The following HMGA2 variants were observed in gnomAD, a reference collection of about 807,000 sequenced individuals.
HMGA2 encodes the protein high mobility group AT-hook 2.
HMGA2 carries 8 observed loss-of-function variants against 19.1 expected under a neutral mutation model. The ratio of observed to expected loss-of-function variants is 0.42; its 90% CI spans 0.25 to 0.76. The LOEUF (loss-of-function observed/expected upper bound fraction) is 0.76, where lower values mean the gene tolerates loss of function less well. HMGA2 is among the 30% of genes least tolerant of loss of function. The probability of loss-of-function intolerance (pLI) is 0.28; values close to 1 mark genes in which losing one functional copy is unlikely to be tolerated. For synonymous variants in HMGA2, 60 were observed against 48.8 expected, an observed-to-expected ratio of 1.23 and a Z score of -0.96; for missense variants, 109 against 136.3, an observed-to-expected ratio of 0.80 and a Z score of 1.00.
intron 3 of HMGA2, among the ~76,000 whole-genome samples, chr12:65,922,226 A>G (rs1260695045): frequency 6.6e-6 from 1 of 152,118 alleles, no homozygotes; most frequent in African/African-American, 2.4e-5. Context: ...AGCTTTCACT[A>G]TGTGTCTGGA....
intron 3 of HMGA2, among the ~76,000 whole-genome samples, chr12:65,919,549 T>A (rs1270042102): frequency 6.6e-6 from 1 of 152,250 alleles, no homozygotes; most frequent in South Asian, 2.1e-4. Context: ...ATTCATGTAA[T>A]GTTATTTCAA....
At chr12:65,906,214 A>G (rs1030564653) in intron 3 of HMGA2, among the ~76,000 whole-genome samples, 3 of 152,208 alleles carry the variant, frequency 2.0e-5, no homozygotes, top group Non-Finnish European at 4.4e-5. Context: ...ATCAGCCTGC[A>G]GCTAAACTCA....
intron 3 of HMGA2, among the ~76,000 whole-genome samples, chr12:65,946,012 A>G (rs1387192957): frequency 6.6e-6 from 1 of 152,160 alleles, no homozygotes; most frequent in African/African-American, 2.4e-5. Context: ...TTGCGTAAAC[A>G]TTTTTAATAT....
chr12:65,863,720 G>A (rs1034234790), intron 3 of HMGA2, among the ~76,000 whole-genome samples: 1 of 152,196 alleles, frequency 6.6e-6, no homozygotes, highest in Non-Finnish European at 1.5e-5. Context: ...CCTGTGCCCA[G>A]CTCAGTCTCA....
chr12:65,933,727 T>A (rs981484267), intron 3 of HMGA2, among the ~76,000 whole-genome samples: 1 of 152,198 alleles, frequency 6.6e-6, no homozygotes, highest in African/African-American at 2.4e-5. Flanking sequence ...AATGTCTTTA[T>A]CTTTTTAAAC....
At chr12:65,958,839 A>G (rs1008300169) in intron 4 of HMGA2, 2 of 151,992 alleles carry the variant, frequency 1.3e-5, no homozygotes, top group African/African-American at 2.4e-5. Flanking sequence ...GAGTTGCAGA[A>G]TTCTTTGCAG....
chr12:65,856,759 C>T (rs976523224), intron 3 of HMGA2: 14 of 152,400 alleles, frequency 9.2e-5, no homozygotes, highest in African/African-American at 3.4e-4. Context: ...TGTTGGTGAT[C>T]CTTGATGCTC....
chr12:65,835,633 T>G (rs1870683176), intron 2 of HMGA2, among the ~76,000 whole-genome samples: 1 of 152,210 alleles, frequency 6.6e-6, no homozygotes, highest in African/African-American at 2.4e-5. Flanking sequence ...AAAGTCATCT[T>G]ATTTGCAGGG....
chr12:65,842,884 C>G (rs1473644147), intron 3 of HMGA2: 2 of 1,264,136 alleles, frequency 1.6e-6, no homozygotes, highest in East Asian at 5.9e-5. Context: ...GGCTCAGGCT[C>G]AAGAATACAA....
intron 3 of HMGA2, chr12:65,882,274 A>G (rs1268719459): frequency 4.0e-6 from 1 of 249,432 alleles, no homozygotes; most frequent in Non-Finnish European, 8.0e-6. Context: ...AGGAACTGAG[A>G]GAAAGAGGAA....
chr12:65,848,617 G>A (rs533699642), intron 3 of HMGA2, among the ~76,000 whole-genome samples: 28 of 152,308 alleles, frequency 1.8e-4, no homozygotes, highest in African/African-American at 6.3e-4. Flanking sequence ...AGCACTTTGG[G>A]AGGCCGAGGC....
At chr12:65,911,487 T>C (rs1412633887) in intron 3 of HMGA2, among the ~76,000 whole-genome samples, 1 of 152,190 alleles carries the variant, frequency 6.6e-6, no homozygotes, top group African/African-American at 2.4e-5. Flanking sequence ...GCTTCTCTGC[T>C]GGCACATTGC....
chr12:65,825,270 G>C lies in HMGA2; in HGVS notation c.-1G>C. On this transcript the variant is annotated 5_prime_UTR_variant, in exon 1 of 5. Coordinates refer to ENST00000403681, the MANE Select transcript of HMGA2 (RefSeq NM_003483.6). This position sits in a 1 kb window ranked among gnomAD's most constrained non-coding sequence, Gnocchi z 4.4. ...CGGCGGTAGCGGCGGCGGGAGGCAG[G>C]ATGAGCGCACGCGGTGAGGGCGCGG... 1 of 1,529,342 alleles carries C rather than the reference G, an allele frequency of 6.5e-7. No individual in the cohort carries two copies. The highest frequency in any genetic ancestry group is 8.7e-7 in the Non-Finnish European group (1 of 1,142,930). The allele number at this position is 1,529,342 out of a possible 1,614,324, so 94.7% of individuals were successfully genotyped here.
At position 65,963,338 on chromosome 12, in the gene HMGA2, T is replaced by C. The variant is rs1876808365; in HGVS notation, c.*46T>C. ...CTACCTCAGCAGCAGTTGGATCTTT[T>C]GAAGGGAGAAGACACTGCAGTGACC... On this transcript the variant is annotated 3_prime_UTR_variant, in exon 5 of 5. Transcript: ENST00000403681. The C allele has an allele frequency of 6.4e-7, 1 of 1,552,310 alleles. No homozygotes were observed. The highest frequency in any genetic ancestry group is 2.4e-5 in the East Asian group (1 of 42,050).
chr12:65,825,115 G>A lies in HMGA2; in HGVS notation c.-156G>A, dbSNP rs888362655. On this transcript the variant is annotated 5_prime_UTR_variant, in exon 1 of 5. Coordinates refer to ENST00000403681, the MANE Select transcript of HMGA2 (RefSeq NM_003483.6). The surrounding 1 kb of genome is among the most constrained non-coding windows in gnomAD (Gnocchi z 4.4). ...TCCGGTGTTGATGGTGGCAGCGGCG[G>A]CAGCCTAAGCAACAGCAGCCCTCGC... The A allele has an allele frequency of 1.3e-5, 7 of 547,628 alleles. No individual in the cohort carries two copies. The Admixed American group carries it at 1.5e-4, about 12-fold the overall frequency. The allele number at this position is 547,628 out of a possible 1,614,324, so 33.9% of individuals were successfully genotyped here. A position where few individuals can be genotyped will look rare whatever the true frequency, so the allele number is the denominator to read the frequency against.
At chr12:65,958,533 T>G (rs897215741) in intron 4 of HMGA2, 1 of 152,220 alleles carries the variant, frequency 6.6e-6, no homozygotes, top group Non-Finnish European at 1.5e-5. Context: ...CTCAGCCTTG[T>G]GGTCTTGCCG....
At position 65,965,476 on chromosome 12, in the gene HMGA2, A is replaced by G. The variant is rs1876882068; in HGVS notation, c.*2184A>G. The G allele has an allele frequency of 9.7e-6, 2 of 206,494 alleles. No individual in the cohort carries two copies. Among genetic ancestry groups the G allele is most frequent in the Admixed American group, 5.9e-5 (1 of 16,838 alleles). The allele number at this position is 206,494 out of a possible 1,614,324, so 12.8% of individuals were successfully genotyped here. On this transcript the variant is annotated 3_prime_UTR_variant, in exon 5 of 5. Coordinates refer to ENST00000403681, the MANE Select transcript of HMGA2 (RefSeq NM_003483.6). ...CTGAAGCCAAATGAAACTCAAAACC[A>G]TCTCTCTTCCAGCTGCTTCAGGGAG...
At chr12:65,902,797 G>A (rs1874427956) in intron 3 of HMGA2, among the ~76,000 whole-genome samples, 1 of 152,084 alleles carries the variant, frequency 6.6e-6, no homozygotes, top group Non-Finnish European at 1.5e-5. Context: ...TGATACTACA[G>A]GATTTAATTG....
At chr12:65,827,246 A>T (rs1156425202) in intron 1 of HMGA2, among the ~76,000 whole-genome samples, 1 of 152,170 alleles carries the variant, frequency 6.6e-6, no homozygotes, top group Admixed American at 6.5e-5. Context: ...CTCCACCCCC[A>T]TAAGAGTTTT....
Sources: allele counts gnomAD v4.1 joint callset (sites outside exome capture counted in the v4.1 genomes callset), GRCh38; gene constraint gnomAD v4.1.1; non-coding constraint Gnocchi (gnomAD v3.1); transcripts MANE v1.5; gene names NCBI Gene and HGNC (gene_info 2026-07-23, HGNC 2026-07-21).